DNAH8: variants seen among roughly 807,000 people sequenced by gnomAD.
DNAH8 encodes dynein axonemal heavy chain 8, also known as axonemal beta dynein heavy chain 8.
DNAH8 carries 382 observed loss-of-function variants against 562.1 expected under a neutral mutation model. The observed-to-expected ratio is 0.68, with a 90% CI of 0.63 to 0.74. The LOEUF is 0.74. Ranked by LOEUF, DNAH8 falls within the 30% of genes least tolerant of loss-of-function variation. The pLI is 0.00. For synonymous variants in DNAH8, 1,881 were observed against 1,919.4 expected (o/e 0.98, Z 0.52); for missense variants, 5,203 against 5,620.4 (o/e 0.93, Z 2.37).
chr6:39,002,501 G>C (rs1414577586), intron 88 of DNAH8, among the ~76,000 whole-genome samples: 1 of 152,114 alleles, frequency 6.6e-6, no homozygotes, highest in Non-Finnish European at 1.5e-5. Flanking sequence ...AACTGGGGTT[G>C]TGCCATATTT....
Position 38,909,430 on chromosome 6 carries a change from C to T in DNAH8, c.9514-88C>T, listed in dbSNP as rs1477840562. 3.4e-6 allele frequency: 4 copies of T among 1,166,846 alleles called. No homozygotes were observed. The Admixed American group carries it at 5.6e-5, about 16-fold the overall frequency. The allele number at this position is 1,166,846 out of a possible 1,614,324, so 72.3% of individuals were successfully genotyped here. On this transcript the variant is annotated intron_variant, in intron 64 of 92. Transcript: ENST00000327475. The stretch of plus-strand genomic sequence containing the variant: ...ATTCATTTTCAAATCTGTGATGTCA[C>T]ACTCTTGGGTCAGATTGCGTAAATC...
intron 45 of DNAH8, among the ~76,000 whole-genome samples, chr6:38,864,851 C>G (rs1294127730): frequency 1.1e-4 from 17 of 152,184 alleles, no homozygotes; most frequent in Non-Finnish European, 7.4e-5. Flanking sequence ...TTAAAAACTT[C>G]CTAGGTCACC....
chr6:38,868,335 G>A (rs1777216924), intron 48 of DNAH8, 139 bp downstream of exon 48: 1 of 832,618 alleles, frequency 1.2e-6, no homozygotes, highest in African/African-American at 1.7e-5. Context: ...CTACCACTGT[G>A]CTTCCAGAAG....
intron 1 of DNAH8, among the ~76,000 whole-genome samples, chr6:38,715,929 T>TAAATAAATAAATAAATAA (rs1562520234): frequency 3.9e-4 from 11 of 28,416 alleles, no homozygotes; most frequent in African/African-American, 1.7e-3. Context: ...TAAATAAATA[T>TAAATAAATAAATAAATAA]ATATATATAT....
chr6:38,794,729 C>T (rs557512973), intron 21 of DNAH8, among the ~76,000 whole-genome samples: 1 of 152,334 alleles, frequency 6.6e-6, no homozygotes, highest in South Asian at 2.1e-4. Flanking sequence ...AGTTGTGACA[C>T]ATTCGTTCTT....
intron 72 of DNAH8, 37 bp downstream of exon 72, chr6:38,923,222 T>C: frequency 6.2e-7 from 1 of 1,609,258 alleles, no homozygotes; most frequent in Non-Finnish European, 8.5e-7. Context: ...CACTCTTTCT[T>C]TGTGACATTA....
intron 24 of DNAH8, among the ~76,000 whole-genome samples, chr6:38,813,742 A>G (rs1738223): frequency 0.3 from 45,520 of 152,024 alleles, 7,111 homozygotes; most frequent in East Asian, 0.42. Flanking sequence ...TGGTGATCTC[A>G]TCTTGTATCT....
chr6:38,755,322 A>C (rs1045062584), intron 9 of DNAH8, among the ~76,000 whole-genome samples: 10 of 152,280 alleles, frequency 6.6e-5, no homozygotes, highest in Non-Finnish European at 1.5e-5. Context: ...TATAGTAAGC[A>C]GTCAGTTTAT....
chr6:38,817,304 C>T (rs898942524), intron 26 of DNAH8, among the ~76,000 whole-genome samples: 4 of 152,174 alleles, frequency 2.6e-5, no homozygotes, highest in Admixed American at 2.6e-4. Context: ...GATTGCACCA[C>T]TGCACTACAG....
intron 81 of DNAH8, among the ~76,000 whole-genome samples, chr6:38,950,577 C>G (rs1404933515): frequency 6.6e-6 from 1 of 151,656 alleles, no homozygotes; most frequent in Non-Finnish European, 1.5e-5. Context: ...GTAGCTGGGA[C>G]TACAGGCGCC....
intron 82 of DNAH8, among the ~76,000 whole-genome samples, chr6:38,954,171 G>T (rs887175948): frequency 6.6e-6 from 1 of 152,160 alleles, no homozygotes; most frequent in African/African-American, 2.4e-5. Context: ...GGGTACATGG[G>T]CAAAGTGGAG....
chr6:38,837,245 G>A (rs537302892), intron 32 of DNAH8, among the ~76,000 whole-genome samples: 1 of 152,166 alleles, frequency 6.6e-6, no homozygotes, highest in Non-Finnish European at 1.5e-5. Flanking sequence ...AGCCTTGTGA[G>A]GTCTGATGCT....
At chr6:38,759,085 T>C (rs1766222938) in intron 10 of DNAH8, among the ~76,000 whole-genome samples, 1 of 152,050 alleles carries the variant, frequency 6.6e-6, no homozygotes, top group African/African-American at 2.4e-5. Context: ...GGAGGATCGC[T>C]GGAGCTCACG....
intron 88 of DNAH8, among the ~76,000 whole-genome samples, chr6:38,997,730 C>T (rs1765232409): frequency 6.6e-6 from 1 of 152,158 alleles, no homozygotes; most frequent in African/African-American, 2.4e-5. Flanking sequence ...TGGTGTTCAA[C>T]AGCATTCTTG....
intron 73 of DNAH8, 78 bp from the exon 74 acceptor site, chr6:38,925,977 A>G: frequency 8.0e-7 from 1 of 1,253,290 alleles, no homozygotes; most frequent in East Asian, 2.5e-5. Flanking sequence ...AAATTATTTT[A>G]CTTTACAGTA....
chr6:39,023,157 C>T (rs1378195696), intron 91 of DNAH8, among the ~76,000 whole-genome samples: 1 of 152,130 alleles, frequency 6.6e-6, no homozygotes, highest in African/African-American at 2.4e-5. Flanking sequence ...ATCATTTTTG[C>T]ACCACTGATG....
At chr6:38,873,399 T>G (rs1209611700) in intron 52 of DNAH8, 23 bp downstream of exon 52, 1 of 1,563,156 alleles carries the variant, frequency 6.4e-7, no homozygotes, top group South Asian at 1.2e-5. Flanking sequence ...TTTGTACATT[T>G]ACTACTTCGA....
At chr6:38,979,258 C>T (rs1161144384) in intron 85 of DNAH8, among the ~76,000 whole-genome samples, 1 of 152,236 alleles carries the variant, frequency 6.6e-6, no homozygotes, top group Non-Finnish European at 1.5e-5. Context: ...ATTATATTCA[C>T]TATCCCATTA....
intron 1 of DNAH8, among the ~76,000 whole-genome samples, 193 bp from the exon 2 acceptor site, chr6:38,722,583 G>GT (rs1762844430): frequency 6.0e-5 from 9 of 149,032 alleles, no homozygotes; most frequent in African/African-American, 1.2e-4. Flanking sequence ...GGTGGGTGGG[G>GT]GTGTGTGTGT....
Sources: allele counts gnomAD v4.1 joint callset (sites outside exome capture counted in the v4.1 genomes callset), GRCh38; gene constraint gnomAD v4.1.1; transcripts MANE v1.5; gene names NCBI Gene and HGNC (gene_info 2026-07-23, HGNC 2026-07-21).